KCNQ1: variants seen among roughly 807,000 people sequenced by gnomAD.
The protein encoded by KCNQ1 is potassium voltage-gated channel subfamily KQT member 1.
In KCNQ1, 49 loss-of-function variants were observed where a neutral mutation model predicts 72.4. The ratio of observed to expected loss-of-function variants is 0.68; its 90% CI spans 0.54 to 0.86. The LOEUF (loss-of-function observed/expected upper bound fraction) is 0.86. KCNQ1 is among the 40% of genes least tolerant of loss of function. KCNQ1 has a pLI of 0.00. For missense variants in KCNQ1, 790 were observed against 945.1 expected (o/e 0.84, Z 2.15); for synonymous variants, 450 against 412.6 (o/e 1.09, Z -1.10).
intron 1 of KCNQ1, among the ~76,000 whole-genome samples, chr11:2,459,663 C>G (rs568533606): frequency 3.9e-5 from 6 of 152,054 alleles, no homozygotes; most frequent in African/African-American, 1.4e-4. Flanking sequence ...AACGGCTGAC[C>G]GTGAGGGCGT....
intron 15 of KCNQ1, among the ~76,000 whole-genome samples, chr11:2,811,833 G>T (rs1401913227): frequency 7.2e-5 from 11 of 152,212 alleles, no homozygotes; most frequent in Non-Finnish European, 5.9e-5. Flanking sequence ...CTTCCTGCAG[G>T]CTCAAGCCTG....
chr11:2,568,664 T>C (rs1395293905), intron 2 of KCNQ1, among the ~76,000 whole-genome samples: 1 of 152,210 alleles, frequency 6.6e-6, no homozygotes, highest in Admixed American at 6.5e-5. Flanking sequence ...TCATTCAGCA[T>C]GTCCATGTTG....
intron 10 of KCNQ1, chr11:2,649,156 T>A: frequency 2.5e-6 from 1 of 398,348 alleles, no homozygotes; most frequent in Non-Finnish European, 4.4e-6. Flanking sequence ...TTTATTTTTT[T>A]AATTCATTTA....
chr11:2,519,096 G>A (rs1464849784), intron 1 of KCNQ1, among the ~76,000 whole-genome samples: 2 of 152,234 alleles, frequency 1.3e-5, no homozygotes, highest in Non-Finnish European at 2.9e-5. Context: ...GGCCTGAGGG[G>A]CAATGGTTGG....
In KCNQ1 at chr11:2,762,808, C is replaced by A. The variant is rs1369343742; in HGVS notation, c.1515-6036C>A. On this transcript the variant is annotated intron_variant, in intron 11 of 15. Transcript: ENST00000155840. This position sits in a 1 kb window ranked among gnomAD's most constrained non-coding sequence, Gnocchi z 4.3. ...TTCATCCTGAAACCATCTCCCCCCA[C>A]CCCACCCCGTCCACGGAAAAAGTGT... is the stretch of plus-strand genomic sequence containing the variant. 3.9e-5 allele frequency among the ~76,000 whole-genome samples: 6 copies of A among 152,270 alleles called. No homozygotes were observed. In the South Asian group the frequency reaches 1.0e-3, roughly 26 times the overall value.
rs982639677 is a variant in KCNQ1, at chr11:2,677,976, T to C, written c.1514+15895T>C. ...ACTGGAGCTTTAATTTACATTTCTT[T>C]TGTTGGAAATGAGGTTTTTATCTTT... On this transcript the variant is annotated intron_variant, in intron 11 of 15. Coordinates refer to ENST00000155840, the MANE Select transcript of KCNQ1 (RefSeq NM_000218.3). This position sits in a 1 kb window ranked among gnomAD's most constrained non-coding sequence, Gnocchi z 4.5. The C allele has an allele frequency of 1.0e-5, 4 of 398,216 alleles. No individual in the cohort carries two copies. In the East Asian group the frequency reaches 1.4e-4, roughly 14 times the overall value. The allele number at this position is 398,216 out of a possible 1,614,324, so 24.7% of individuals were successfully genotyped here.
In KCNQ1 at chr11:2,484,795, G is replaced by A. The variant is rs1158991088; in HGVS notation, c.386+39311G>A. 1.3e-5 allele frequency among the ~76,000 whole-genome samples: 2 copies of A among 152,160 alleles called. No individual in the cohort carries two copies. The highest frequency in any genetic ancestry group is 2.9e-5 in the Non-Finnish European group (2 of 68,042). The stretch of plus-strand genomic sequence containing the variant: ...ATGTGTATGGCACCCCCACGTCTAC[G>A]CTTCTGTGTTCATCTGCAGATATAT... On this transcript the variant is annotated intron_variant, in intron 1 of 15. Transcript: ENST00000155840. This position sits in a 1 kb window ranked among gnomAD's most constrained non-coding sequence, Gnocchi z 5.2.
At chr11:2,686,298 A>G in intron 11 of KCNQ1, 1 of 398,744 alleles carries the variant, frequency 2.5e-6, no homozygotes, top group Non-Finnish European at 4.4e-6. Context: ...GCCAGACCAC[A>G]GACCACACTA....
intron 14 of KCNQ1, 91 bp from the exon 15 acceptor site, chr11:2,777,885 C>T: frequency 9.0e-7 from 1 of 1,106,846 alleles, no homozygotes; most frequent in Non-Finnish European, 1.4e-6. Context: ...AGCTACCTCC[C>T]CCAGCCCTAC....
intron 10 of KCNQ1, chr11:2,646,135 G>T (rs975623106): frequency 6.8e-5 from 27 of 398,450 alleles, no homozygotes; most frequent in African/African-American, 5.6e-4. Flanking sequence ...TTACTTCTCA[G>T]TTGAATTCCA....
At chr11:2,616,163 C>CT in intron 10 of KCNQ1, 1 of 396,172 alleles carries the variant, frequency 2.5e-6, no homozygotes, top group Non-Finnish European at 4.4e-6. Flanking sequence ...TTTTATCACA[C>CT]TTTTTATTTC....
rs1369930566 is a variant in KCNQ1, at chr11:2,691,403, C to A, written c.1514+29322C>A. The A allele has an allele frequency of 7.5e-6, 3 of 398,552 alleles. No homozygotes were observed. Among genetic ancestry groups the A allele is most frequent in the African/African-American group, 2.1e-5 (1 of 48,634 alleles). 24.7% of individuals were successfully genotyped at this position (398,552 alleles called of 1,614,324 possible). On this transcript the variant is annotated intron_variant, in intron 11 of 15. Transcript: ENST00000155840. The surrounding 1 kb of genome is among the most constrained non-coding windows in gnomAD (Gnocchi z 6.4). ...GGGTCTGGGCATAGAAGCCCAGGAA[C>A]TGCTGTCTGTGGGGAGTCCACTGAA...
rs757688646 is a variant in KCNQ1 at position 2,445,375 on chromosome 11, A to G, written c.277A>G (p.Ile93Val). The change falls in exon 1 of 16, where the codon ATC (isoleucine) becomes GTC (valine). Residue 93 changes from isoleucine to valine, a missense_variant. Physicochemically the swap from Ile to Val is conservative, Grantham distance 29. Around this residue, in one of 5 missense-constraint regions of KCNQ1, gnomAD observed 294 missense variants for 323.3 expected, o/e 0.91. Transcript: ENST00000155840. The stretch of plus-strand genomic sequence containing the variant: ...GGTGAGCCTAGACCCGCGCGTCTCC[A>G]TCTACAGCACGCGCCGCCCGGTGTT... ...PPVSLDPRVS[I>V]YSTRRPVLAR... is the part of the protein sequence containing the mutation. 3.1e-6 allele frequency: 5 copies of G among 1,597,586 alleles called. No homozygotes were observed. Among genetic ancestry groups the G allele is most frequent in the Non-Finnish European group, 4.2e-6 (5 of 1,179,536 alleles).
rs184114618 is a variant in KCNQ1 at position 2,663,688 on chromosome 11, C to T, written c.1514+1607C>T. The T allele has an allele frequency of 2.5e-6, 1 of 398,712 alleles. No individual in the cohort carries two copies. The highest frequency in any genetic ancestry group is 3.6e-5 in the East Asian group (1 of 28,084). 24.7% of individuals were successfully genotyped at this position (398,712 alleles called of 1,614,324 possible). A position where few individuals can be genotyped will look rare whatever the true frequency, so the allele number is the denominator to read the frequency against. On this transcript the variant is annotated intron_variant, in intron 11 of 15. Transcript: ENST00000155840. The surrounding 1 kb of genome is among the most constrained non-coding windows in gnomAD (Gnocchi z 5.2). The stretch of plus-strand genomic sequence containing the variant: ...ACCCACAGTCCATCTAGCTGGGCAG[C>T]CAGGCCTTACCAACTCTTGGGTCTT...
intron 1 of KCNQ1, among the ~76,000 whole-genome samples, chr11:2,503,169 A>G (rs1847044792): frequency 6.6e-6 from 1 of 152,344 alleles, no homozygotes; most frequent in Non-Finnish European, 1.5e-5. Context: ...AACCGAAGCA[A>G]AAATGGACAA....
intron 11 of KCNQ1, among the ~76,000 whole-genome samples, chr11:2,728,897 G>T (rs1845807415): frequency 6.6e-6 from 1 of 152,254 alleles, no homozygotes. Flanking sequence ...GCAGTCAGGG[G>T]TTTGAAGTCC....
At chr11:2,806,553 T>A (rs1051335086) in intron 15 of KCNQ1, among the ~76,000 whole-genome samples, 6 of 152,312 alleles carry the variant, frequency 3.9e-5, no homozygotes, top group Middle Eastern at 3.4e-3. Context: ...AGGCACCAGG[T>A]AACCTGTCTG....
chr11:2,453,327 C>A (rs1217475561), intron 1 of KCNQ1, among the ~76,000 whole-genome samples: 4 of 152,156 alleles, frequency 2.6e-5, no homozygotes, highest in Admixed American at 2.6e-4. Flanking sequence ...GAGCCGAGAT[C>A]ACGCCGTTGC....
chr11:2,731,978 C>G (rs1473362103), intron 11 of KCNQ1, among the ~76,000 whole-genome samples: 1 of 152,254 alleles, frequency 6.6e-6, no homozygotes, highest in Non-Finnish European at 1.5e-5. Context: ...CAGCAGGGGA[C>G]CAGCGAGGTG....
Sources: gnomAD v4.1 joint callset for allele counts (sites outside exome capture counted in the v4.1 genomes callset) on GRCh38, gnomAD v4.1.1 for gene constraint, gnomAD v4.1.1 regional missense constraint, Gnocchi (gnomAD v3.1) non-coding constraint, MANE v1.5 for transcripts, NCBI Gene and HGNC (gene_info 2026-07-23, HGNC 2026-07-21) for gene names.